ARF5: variants seen among roughly 807,000 people sequenced by gnomAD.
ARF5 encodes ADP-ribosylation factor 5.
ARF5 carries 10 observed loss-of-function variants against 24.8 expected under a neutral mutation model. That is an observed-to-expected ratio of 0.40 (90% confidence interval 0.25 to 0.68). The LOEUF is 0.68. Among genes scored for constraint, ARF5 ranks in the 30% least tolerant of loss-of-function variants. The probability of loss-of-function intolerance (pLI) is 0.36; values close to 1 mark genes in which losing one functional copy is unlikely to be tolerated. For missense variants in ARF5, 135 were observed against 239.2 expected, an observed-to-expected ratio of 0.56 and a Z score of 2.87; for synonymous variants, 102 against 95.1, an observed-to-expected ratio of 1.07 and a Z score of -0.42.
Position 127,590,080 on chromosome 7 carries a change from G to A in ARF5, c.273G>A (p.Val91=), listed in dbSNP as rs149540717. 10 of 1,613,808 alleles carry A rather than the reference G, an allele frequency of 6.2e-6. No individual in the cohort carries two copies. In the African/African-American group the frequency reaches 1.2e-4, roughly 19 times the overall value. ...TTCCTGCCCAGGGCCTCATCTTTGT[G>A]GTGGACAGTAATGACCGGGAGCGGG... ...YFQNTQGLIF[V]VDSNDRERVQ... is the part of the protein sequence containing the mutation. Residue 91 remains valine, a synonymous_variant, in exon 4 of 6, where the codon GTG becomes GTA. Transcript: ENST00000000233.
chr7:127,590,244 T>C, intron 4 of ARF5, 107 bp downstream of exon 4: 6 of 905,072 alleles, frequency 6.6e-6, no homozygotes, highest in Non-Finnish European at 1.1e-5. Flanking sequence ...AGACCAGGAA[T>C]ATAAGTTTTT....
chr7:127,591,336 T>C lies in ARF5; in HGVS notation c.*37T>C, dbSNP rs1794285221. 6.5e-7 allele frequency: 1 copy of C among 1,528,172 alleles called. No individual in the cohort carries two copies. The highest frequency in any genetic ancestry group is 8.8e-7 in the Non-Finnish European group (1 of 1,139,788). 94.7% of individuals were successfully genotyped at this position (1,528,172 alleles called of 1,614,324 possible). A position where few individuals can be genotyped will look rare whatever the true frequency, so the allele number is the denominator to read the frequency against. ...CAGGCCCCTGATGCCCGGAAGCTCC[T>C]GCGTGCATCCCCGGGATGACCAGAC... On this transcript the variant is annotated 3_prime_UTR_variant, in exon 6 of 6. Coordinates refer to ENST00000000233, the MANE Select transcript of ARF5 (RefSeq NM_001662.4).
At position 127,590,086 on chromosome 7, in the gene ARF5, C is replaced by T; in HGVS notation, c.279C>T (p.Asp93=). The change falls in exon 4 of 6, where the codon GAC becomes GAT. Residue 93 remains aspartate, a synonymous_variant. Transcript: ENST00000000233. Reference sequence around the variant, plus strand: ...CCCAGGGCCTCATCTTTGTGGTGGACAGTAATGACCGGGAGCGGGTCCAAG... The same window carrying T: ...CCCAGGGCCTCATCTTTGTGGTGGATAGTAATGACCGGGAGCGGGTCCAAG... The part of the protein sequence containing the change: ...QNTQGLIFVV[D]SNDRERVQES... 6.2e-7 allele frequency: 1 copy of T among 1,613,920 alleles called. No individual in the cohort carries two copies. Among genetic ancestry groups the T allele is most frequent in the Non-Finnish European group, 8.5e-7 (1 of 1,179,906 alleles).
At chr7:127,589,308 C>T in intron 2 of ARF5, 145 bp downstream of exon 2, 1 of 1,133,248 alleles carries the variant, frequency 8.8e-7, no homozygotes, top group Middle Eastern at 2.3e-4. Context: ...TACGTGGATA[C>T]CGGAGGCAGG....
chr7:127,589,400 T>A (rs749965373), intron 2 of ARF5, 85 bp from the exon 3 acceptor site: 44 of 1,259,826 alleles, frequency 3.5e-5, no homozygotes, highest in Non-Finnish European at 4.8e-5. Flanking sequence ...CCTTCTGGTT[T>A]TGTGTCCCTG....
At chr7:127,590,580 G>A (rs182468199) in intron 4 of ARF5, among the ~76,000 whole-genome samples, 63 of 152,272 alleles carry the variant, frequency 4.1e-4, no homozygotes, top group African/African-American at 1.3e-3. Context: ...TGATCCACCC[G>A]TCTTGGTCTC....
At chr7:127,589,800 G>T (rs932376589) in intron 3 of ARF5, 1 of 608,872 alleles carries the variant, frequency 1.6e-6, no homozygotes. Flanking sequence ...GCAGGATTCT[G>T]GGACCAGGCT....
chr7:127,589,315 C>A, intron 2 of ARF5, 152 bp downstream of exon 2: 2 of 1,125,608 alleles, frequency 1.8e-6, no homozygotes, highest in Non-Finnish European at 2.6e-6. Context: ...ATACCGGAGG[C>A]AGGGTGGATG....
chr7:127,590,625 G>A (rs550811672), intron 4 of ARF5, among the ~76,000 whole-genome samples: 3 of 152,306 alleles, frequency 2.0e-5, no homozygotes, highest in East Asian at 1.9e-4. Flanking sequence ...GAGCCACTGC[G>A]CCCGGCCGCA....
intron 3 of ARF5, 118 bp downstream of exon 3, chr7:127,589,712 A>G (rs1794256502): frequency 1.3e-6 from 1 of 747,836 alleles, no homozygotes; most frequent in Non-Finnish European, 2.2e-6. Context: ...CCCCACTTCT[A>G]CCCCTTCTGT....
chr7:127,588,995 C>A lies in ARF5; in HGVS notation c.68-88C>A, dbSNP rs1043206004. The A allele has an allele frequency of 1.2e-5, 17 of 1,460,874 alleles. No individual in the cohort carries two copies. The African/African-American group carries it at 2.1e-4, about 18-fold the overall frequency. 90.5% of individuals were successfully genotyped at this position (1,460,874 alleles called of 1,614,324 possible). ...GCGCTCCCGCTCTCCGCCCCAGTCA[C>A]CATCAGCTGTTGTGGCCTCTCCCTT... On this transcript the variant is annotated intron_variant, in intron 1 of 5. Coordinates refer to ENST00000000233, the MANE Select transcript of ARF5 (RefSeq NM_001662.4).
In ARF5 at chr7:127,591,095, G is replaced by GTCC; in HGVS notation, c.456+9_456+11dup. 6.2e-7 allele frequency: 1 copy of GTCC among 1,613,778 alleles called. No homozygotes were observed. The highest frequency in any genetic ancestry group is 1.1e-5 in the South Asian group (1 of 91,054). Reference sequence around the variant, plus strand: ...GCACTTACGCAGCCGCACGGTAGGGGTCCTGCCCACCTGGTGCTGAATCCT... The same window carrying GTCC: ...GCACTTACGCAGCCGCACGGTAGGGGTCCTCCTGCCCACCTGGTGCTGAATCCT... On this transcript the variant is annotated splice_region_variant and intron_variant, in intron 5 of 5. Coordinates refer to ENST00000000233, the MANE Select transcript of ARF5 (RefSeq NM_001662.4).
intron 1 of ARF5, 75 bp downstream of exon 1, chr7:127,588,640 A>C: frequency 7.9e-7 from 1 of 1,259,944 alleles, no homozygotes; most frequent in Non-Finnish European, 1.0e-6. Context: ...GCGTCCCTCC[A>C]GCCCCGCTCA....
intron 4 of ARF5, among the ~76,000 whole-genome samples, chr7:127,590,402 G>A (rs539386062): frequency 8.6e-5 from 13 of 151,276 alleles, no homozygotes; most frequent in African/African-American, 2.4e-4. Context: ...GTGCAATCTC[G>A]GCTCACTGCA....
At chr7:127,590,631 C>A (rs1794272955) in intron 4 of ARF5, among the ~76,000 whole-genome samples, 1 of 152,238 alleles carries the variant, frequency 6.6e-6, no homozygotes, top group South Asian at 2.1e-4. Context: ...CTGCGCCCGG[C>A]CGCATTCTCA....
At chr7:127,588,599 G>T (rs1241149167) in intron 1 of ARF5, 34 bp downstream of exon 1, 5 of 1,323,294 alleles carry the variant, frequency 3.8e-6, no homozygotes, top group African/African-American at 1.5e-5. Context: ...CCGGACCGGG[G>T]CGCCGGCCCC....
Position 127,590,097 on chromosome 7 carries a change from G to T in ARF5, c.290G>T (p.Arg97Leu). ...GLIFVVDSNDRERVQESADEL... is the reference protein window; with the variant it reads ...GLIFVVDSNDLERVQESADEL... Reference sequence around the variant, plus strand: ...ATCTTTGTGGTGGACAGTAATGACCGGGAGCGGGTCCAAGAATCTGCTGAT... The same window carrying T: ...ATCTTTGTGGTGGACAGTAATGACCTGGAGCGGGTCCAAGAATCTGCTGAT... Residue 97 changes from arginine to leucine, a missense_variant, in exon 4 of 6, where the codon CGG (arginine) becomes CTG (leucine). Around this residue, in one of 3 missense-constraint regions of ARF5, gnomAD observed 102 missense variants for 160.9 expected, o/e 0.63. Transcript: ENST00000000233. The T allele has an allele frequency of 6.2e-7, 1 of 1,613,956 alleles. No homozygotes were observed. The highest frequency in any genetic ancestry group is 2.2e-5 in the East Asian group (1 of 44,858).
chr7:127,591,489 G>C lies in ARF5; in HGVS notation c.*190G>C. ...CCTGGAGCCTTGCTCTCTGGGCACA[G>C]AGGGGTCCACTCTCCTGCCTGCTGG... On this transcript the variant is annotated 3_prime_UTR_variant, in exon 6 of 6. Transcript: ENST00000000233. 1 of 560,226 alleles carries C rather than the reference G, an allele frequency of 1.8e-6. No individual in the cohort carries two copies. Among genetic ancestry groups the C allele is most frequent in the East Asian group, 3.3e-5 (1 of 30,168 alleles). 34.7% of individuals were successfully genotyped at this position (560,226 alleles called of 1,614,324 possible). A position where few individuals can be genotyped will look rare whatever the true frequency, so the allele number is the denominator to read the frequency against.
At chr7:127,590,180 A>G (rs1472361136) in intron 4 of ARF5, 43 bp downstream of exon 4, 1 of 1,534,174 alleles carries the variant, frequency 6.5e-7, no homozygotes, top group Non-Finnish European at 9.0e-7. Context: ...CAGCTTGGGG[A>G]CAGAGTGATC....
Sources: gnomAD v4.1 joint callset for allele counts (sites outside exome capture counted in the v4.1 genomes callset) on GRCh38, gnomAD v4.1.1 for gene constraint, gnomAD v4.1.1 regional missense constraint, MANE v1.5 for transcripts, NCBI Gene and HGNC (gene_info 2026-07-23, HGNC 2026-07-21) for gene names.